The following PHLPP1 variants were observed in gnomAD, a reference collection of about 807,000 sequenced individuals.
PHLPP1 encodes the protein PH domain leucine-rich repeat-containing protein phosphatase 1.
Under a neutral mutation model 117.2 loss-of-function variants are expected in PHLPP1, and 42 were observed. That is an observed-to-expected ratio of 0.36 (90% CI 0.28 to 0.46). PHLPP1 has a LOEUF of 0.46. PHLPP1 is among the 20% of genes least tolerant of loss of function. PHLPP1 has a pLI of 1.00. For synonymous variants in PHLPP1, 1,042 were observed against 970.7 expected, an observed-to-expected ratio of 1.07 and a Z score of -1.37; for missense variants, 2,084 against 2,241.9, an observed-to-expected ratio of 0.93 and a Z score of 1.42.
chr18:62,827,158 G>A (rs1914633076), intron 1 of PHLPP1, among the ~76,000 whole-genome samples: 1 of 152,140 alleles, frequency 6.6e-6, no homozygotes, highest in Admixed American at 6.6e-5. Flanking sequence ...AAAAGAGAAA[G>A]TATATGAATA....
chr18:62,878,000 GA>G (rs1210976185), intron 4 of PHLPP1, among the ~76,000 whole-genome samples: 1 of 152,230 alleles, frequency 6.6e-6, no homozygotes, highest in Non-Finnish European at 1.5e-5. Flanking sequence ...AGAAGGGAGA[GA>G]GGCTGGTATC....
intron 1 of PHLPP1, among the ~76,000 whole-genome samples, chr18:62,774,615 A>G (rs1748133564): frequency 6.6e-6 from 1 of 152,232 alleles, no homozygotes. Context: ...TAAATTTGAA[A>G]GCTGTCTTAA....
chr18:62,842,450 A>G (rs952291856), intron 3 of PHLPP1, among the ~76,000 whole-genome samples: 5 of 151,494 alleles, frequency 3.3e-5, no homozygotes, highest in African/African-American at 4.9e-5. Context: ...TGCAACCTCC[A>G]TCTCCCGGGT....
chr18:62,944,843 A>G (rs1910231271), intron 11 of PHLPP1, among the ~76,000 whole-genome samples: 2 of 152,172 alleles, frequency 1.3e-5, no homozygotes, highest in South Asian at 4.1e-4. Context: ...TGCCAGGGTA[A>G]CTTAATTTCC....
intron 1 of PHLPP1, among the ~76,000 whole-genome samples, chr18:62,824,974 T>A (rs1914570182): frequency 6.6e-6 from 1 of 150,422 alleles, no homozygotes; most frequent in Non-Finnish European, 1.5e-5. Context: ...TCACCTAGGC[T>A]GGAGTGCAGT....
chr18:62,868,295 G>A (rs1181617324), intron 4 of PHLPP1, among the ~76,000 whole-genome samples: 1 of 151,946 alleles, frequency 6.6e-6, no homozygotes, highest in Non-Finnish European at 1.5e-5. Context: ...ACTTCCATAA[G>A]CCAGTTTCTA....
rs1242819908 is a variant in PHLPP1 at position 62,716,210 on chromosome 18, C to T, written c.527C>T (p.Thr176Met). ...SLCTRSLDRK[T>M]LLLKHRQTLQ... ...TGCACCCGGAGCCTGGACAGGAAGA[C>T]GCTGCTTCTGAAGCACCGGCAGACG... Residue 176 changes from threonine to methionine, a missense_variant, in exon 1 of 17, where the codon ACG becomes ATG. By Grantham distance (81) the Thr-to-Met change is moderately conservative. Transcript: ENST00000262719. This position sits in a 1 kb window ranked among gnomAD's most constrained non-coding sequence, Gnocchi z 5.7. 2.6e-6 allele frequency: 4 copies of T among 1,528,114 alleles called. No homozygotes were observed. The highest frequency in any genetic ancestry group is 1.2e-5 in the South Asian group (1 of 83,006). 94.7% of individuals were successfully genotyped at this position (1,528,114 alleles called of 1,614,324 possible).
chr18:62,783,103 A>G (rs890635552), intron 1 of PHLPP1, among the ~76,000 whole-genome samples: 4 of 150,712 alleles, frequency 2.7e-5, no homozygotes, highest in Admixed American at 2.0e-4. Context: ...CATCAATGGT[A>G]CTCATGCTAA....
At chr18:62,762,351 A>G (rs1373408663) in intron 1 of PHLPP1, among the ~76,000 whole-genome samples, 1 of 149,800 alleles carries the variant, frequency 6.7e-6, no homozygotes, top group Admixed American at 6.6e-5. Context: ...AAAAAAAAAA[A>G]CCTTAAAAGA....
At chr18:62,745,756 T>TG (rs1296089161) in intron 1 of PHLPP1, among the ~76,000 whole-genome samples, 1 of 152,268 alleles carries the variant, frequency 6.6e-6, no homozygotes, top group African/African-American at 2.4e-5. Context: ...AAATTCTTAA[T>TG]GTTACTCTTG....
At chr18:62,859,586 A>G (rs1915581124) in intron 3 of PHLPP1, among the ~76,000 whole-genome samples, 1 of 152,198 alleles carries the variant, frequency 6.6e-6, no homozygotes, top group African/African-American at 2.4e-5. Context: ...TTAATTGAAG[A>G]TGTGTACAAG....
chr18:62,916,706 TTTTTTACCTTATC>T (rs938597183), intron 9 of PHLPP1, among the ~76,000 whole-genome samples: 1 of 149,958 alleles, frequency 6.7e-6, no homozygotes, highest in Admixed American at 6.7e-5. Flanking sequence ...TTGAAAAAAA[TTTTTTACCTTATC>T]TTTTCTTCTA....
At chr18:62,751,222 AATTATTATT>A (rs928883850) in intron 1 of PHLPP1, among the ~76,000 whole-genome samples, 1 of 152,218 alleles carries the variant, frequency 6.6e-6, no homozygotes, top group African/African-American at 2.4e-5. Context: ...TTCCTAGTAT[AATTATTATT>A]TTCAAAAATA....
At chr18:62,849,832 A>AATATATAT (rs1555677082) in intron 3 of PHLPP1, among the ~76,000 whole-genome samples, 4,356 of 33,086 alleles carry the variant, frequency 0.13, 894 homozygotes, top group Non-Finnish European at 0.17. Context: ...AAAAAAAAAA[A>AATATATAT]ATATATATAT....
chr18:62,964,730 A>C (rs1292957792), intron 14 of PHLPP1, among the ~76,000 whole-genome samples: 1 of 152,184 alleles, frequency 6.6e-6, no homozygotes, highest in East Asian at 1.9e-4. Flanking sequence ...CTTTCTGGAG[A>C]TCATTACTTT....
At chr18:62,891,054 T>G (rs1916394930) in intron 4 of PHLPP1, among the ~76,000 whole-genome samples, 1 of 152,166 alleles carries the variant, frequency 6.6e-6, no homozygotes, top group African/African-American at 2.4e-5. Context: ...CCAGTTAAAT[T>G]TGAATTTCAT....
intron 16 of PHLPP1, among the ~76,000 whole-genome samples, chr18:62,977,407 G>A (rs1428239198): frequency 1.8e-5 from 1 of 56,416 alleles, no homozygotes; most frequent in Non-Finnish European, 3.3e-5. Flanking sequence ...GAAGAATAAA[G>A]AACCAAGCAG....
At chr18:62,971,514 C>T (rs1475474346) in intron 14 of PHLPP1, among the ~76,000 whole-genome samples, 1 of 152,094 alleles carries the variant, frequency 6.6e-6, no homozygotes, top group Non-Finnish European at 1.5e-5. Context: ...CTATCCTCCT[C>T]CAGTGCACTG....
At chr18:62,787,014 C>T (rs937630136) in intron 1 of PHLPP1, among the ~76,000 whole-genome samples, 13 of 152,056 alleles carry the variant, frequency 8.5e-5, no homozygotes, top group African/African-American at 2.7e-4. Flanking sequence ...ACCTCTAAAG[C>T]GTGCATGCAT....
Sources: gnomAD v4.1 joint callset for allele counts (sites outside exome capture counted in the v4.1 genomes callset) on GRCh38, gnomAD v4.1.1 for gene constraint, Gnocchi (gnomAD v3.1) non-coding constraint, MANE v1.5 for transcripts, NCBI Gene and HGNC (gene_info 2026-07-23, HGNC 2026-07-21) for gene names.